BMPR1A: variants seen among roughly 807,000 people sequenced by gnomAD.
The protein encoded by BMPR1A is bone morphogenetic protein receptor type-1A.
BMPR1A carries 7 observed loss-of-function variants against 66.0 expected under a neutral mutation model. The ratio of observed to expected loss-of-function variants is 0.11; its 90% CI spans 0.06 to 0.20. BMPR1A has a LOEUF of 0.20. Ranked by LOEUF, BMPR1A falls within the 10% of genes least tolerant of loss-of-function variation. The pLI is 1.00. For synonymous variants in BMPR1A, 200 were observed against 229.7 expected, an observed-to-expected ratio of 0.87 and a Z score of 1.17; for missense variants, 408 against 669.1, an observed-to-expected ratio of 0.61 and a Z score of 4.31.
chr10:86,852,427 G>A (rs149096675), intron 2 of BMPR1A, among the ~76,000 whole-genome samples: 1 of 152,000 alleles, frequency 6.6e-6, no homozygotes, highest in Admixed American at 6.6e-5. Context: ...AAATTAGCCC[G>A]GCACAGTGGT....
At chr10:86,868,163 C>T (rs1366856866) in intron 2 of BMPR1A, among the ~76,000 whole-genome samples, 1 of 152,096 alleles carries the variant, frequency 6.6e-6, no homozygotes, top group African/African-American at 2.4e-5. Flanking sequence ...TCTAAAACAC[C>T]CTGTTATGAA....
intron 1 of BMPR1A, among the ~76,000 whole-genome samples, chr10:86,769,100 T>C (rs1218658546): frequency 6.6e-6 from 1 of 152,240 alleles, no homozygotes; most frequent in African/African-American, 2.4e-5. Flanking sequence ...TTAGCTTCCA[T>C]GTTAATATTC....
At chr10:86,915,556 C>G (rs188018363) in intron 8 of BMPR1A, among the ~76,000 whole-genome samples, 2 of 152,068 alleles carry the variant, frequency 1.3e-5, no homozygotes, top group African/African-American at 2.4e-5. Flanking sequence ...TGGTGAAACC[C>G]TGTCTCTACT....
chr10:86,888,063 A>G (rs766727346), intron 3 of BMPR1A, among the ~76,000 whole-genome samples: 10 of 151,950 alleles, frequency 6.6e-5, no homozygotes, highest in Admixed American at 1.3e-4. Context: ...AAGCCTTGAC[A>G]TTATATTACG....
At chr10:86,820,043 T>A (rs1048769963) in intron 1 of BMPR1A, among the ~76,000 whole-genome samples, 4 of 152,172 alleles carry the variant, frequency 2.6e-5, no homozygotes, top group African/African-American at 7.2e-5. Flanking sequence ...GTTTAGTTTT[T>A]GTTTTGTTTT....
At chr10:86,877,199 A>G (rs1051719042) in intron 3 of BMPR1A, among the ~76,000 whole-genome samples, 3 of 149,672 alleles carry the variant, frequency 2.0e-5, no homozygotes, top group Non-Finnish European at 4.4e-5. Flanking sequence ...AAAGCTTTTG[A>G]TATTTTCATC....
chr10:86,858,422 T>A (rs543561029), intron 2 of BMPR1A, among the ~76,000 whole-genome samples: 5 of 152,130 alleles, frequency 3.3e-5, no homozygotes, highest in Non-Finnish European at 2.9e-5. Flanking sequence ...CAAAATGATA[T>A]AGTGAAAGAT....
At chr10:86,865,426 A>G (rs1165209600) in intron 2 of BMPR1A, among the ~76,000 whole-genome samples, 1 of 151,738 alleles carries the variant, frequency 6.6e-6, no homozygotes, top group African/African-American at 2.4e-5. Flanking sequence ...CCAGAGAACA[A>G]CTCCTCTTTG....
chr10:86,881,669 A>G (rs1198111565), intron 3 of BMPR1A, among the ~76,000 whole-genome samples: 1 of 152,236 alleles, frequency 6.6e-6, no homozygotes, highest in Non-Finnish European at 1.5e-5. Flanking sequence ...AAATGATGCC[A>G]GGAGGATGTG....
chr10:86,797,935 G>GT (rs2132840383), intron 1 of BMPR1A, among the ~76,000 whole-genome samples: 1 of 152,174 alleles, frequency 6.6e-6, no homozygotes, highest in East Asian at 1.9e-4. Context: ...AAAATTAGAT[G>GT]TAGGTAAGCC....
At chr10:86,859,451 G>A (rs1358868221) in intron 2 of BMPR1A, among the ~76,000 whole-genome samples, 1 of 152,074 alleles carries the variant, frequency 6.6e-6, no homozygotes, top group East Asian at 1.9e-4. Flanking sequence ...TTATAGGTGT[G>A]AGCCATTAGC....
intron 1 of BMPR1A, among the ~76,000 whole-genome samples, chr10:86,803,598 C>T (rs1459857699): frequency 7.2e-5 from 11 of 152,144 alleles, no homozygotes; most frequent in Admixed American, 2.6e-4. Flanking sequence ...TCTTTCACCA[C>T]TCTTTATTGA....
chr10:86,835,548 TCAAAAAAAAAAAAAAAAA>T (rs1158499436), intron 1 of BMPR1A, among the ~76,000 whole-genome samples: 2 of 11,282 alleles, frequency 1.8e-4, no homozygotes, highest in Non-Finnish European at 3.1e-4. Context: ...AGACTCTGTA[TCAAAAAAAAAAAAAAAAA>T]AAAAAAAAAA....
At chr10:86,931,386 T>G (rs1843809793), downstream of BMPR1A, 3 of 149,644 alleles carry the variant, frequency 2.0e-5, no homozygotes, top group Non-Finnish European at 2.9e-5. Context: ...AAAAGCCAGT[T>G]TAGAATCCAG....
intron 1 of BMPR1A, among the ~76,000 whole-genome samples, chr10:86,760,369 TCAGCC>T (rs1272598498): frequency 2.0e-5 from 3 of 148,452 alleles, no homozygotes; most frequent in African/African-American, 4.9e-5. Flanking sequence ...TTCTCCTGCC[TCAGCC>T]TCCCAGGTAG....
chr10:86,905,050 C>G (rs1185871276), intron 7 of BMPR1A, among the ~76,000 whole-genome samples: 1 of 152,208 alleles, frequency 6.6e-6, no homozygotes, highest in Non-Finnish European at 1.5e-5. Flanking sequence ...AAAGAGAGGT[C>G]TGTCCGTCAG....
intron 9 of BMPR1A, among the ~76,000 whole-genome samples, chr10:86,917,960 G>A (rs1295763739): frequency 2.6e-5 from 4 of 152,150 alleles, no homozygotes; most frequent in Non-Finnish European, 5.9e-5. Context: ...CAGTTTTCGA[G>A]GCTAGAAGTT....
chr10:86,924,923 A>G lies in BMPR1A; in HGVS notation c.*1204A>G, dbSNP rs1264332223. Reference sequence around the variant, plus strand: ...ATCCAGGACTTTGTTAACTTCAGGTAAAAACTTCATTAGGGTAATATCATC... The same window carrying G: ...ATCCAGGACTTTGTTAACTTCAGGTGAAAACTTCATTAGGGTAATATCATC... On this transcript the variant is annotated 3_prime_UTR_variant, in exon 13 of 13. Transcript: ENST00000372037. 2 of 232,068 alleles carry G rather than the reference A, an allele frequency of 8.6e-6. No homozygotes were observed. The highest frequency in any genetic ancestry group is 1.7e-5 in the Non-Finnish European group (2 of 117,410). 14.4% of individuals were successfully genotyped at this position (232,068 alleles called of 1,614,324 possible). A position where few individuals can be genotyped will look rare whatever the true frequency, so the allele number is the denominator to read the frequency against.
intron 1 of BMPR1A, among the ~76,000 whole-genome samples, chr10:86,778,543 G>C (rs1457669290): frequency 6.6e-6 from 1 of 152,136 alleles, no homozygotes; most frequent in African/African-American, 2.4e-5. Flanking sequence ...ACAGTGATCA[G>C]ATCAGGATAA....
Sources: allele counts gnomAD v4.1 joint callset (sites outside exome capture counted in the v4.1 genomes callset), GRCh38; gene constraint gnomAD v4.1.1; transcripts MANE v1.5; gene names NCBI Gene and HGNC (gene_info 2026-07-23, HGNC 2026-07-21).